Variants in NTN1 observed in about 807,000 individuals in gnomAD.
NTN1 encodes netrin 1, also known as netrin-1.
Under a neutral mutation model 54.2 loss-of-function variants are expected in NTN1, and 11 were observed. The ratio of observed to expected loss-of-function variants is 0.20; its 90% confidence interval spans 0.13 to 0.34. NTN1 has a LOEUF of 0.34. Among genes scored for constraint, NTN1 ranks in the 10% least tolerant of loss-of-function variants. The probability of loss-of-function intolerance (pLI) is 1.00; values close to 1 mark genes in which losing one functional copy is unlikely to be tolerated. For missense variants in NTN1, 740 were observed against 893.1 expected (o/e 0.83, Z 2.18); for synonymous variants, 371 against 382.0 (o/e 0.97, Z 0.33).
At chr17:9,067,266 CAAA>C (rs34250366) in intron 2 of NTN1, among the ~76,000 whole-genome samples, 3 of 141,546 alleles carry the variant, frequency 2.1e-5, no homozygotes, top group Admixed American at 7.0e-5. Context: ...GACCCTGTCT[CAAA>C]AAAAAAAAAA....
chr17:9,131,553 G>A (rs1035984974), intron 2 of NTN1, among the ~76,000 whole-genome samples: 1 of 149,482 alleles, frequency 6.7e-6, no homozygotes, highest in Non-Finnish European at 1.5e-5. Context: ...CGGTTTGTCT[G>A]TGTTTCGGCC....
chr17:9,108,495 G>A (rs1192350507), intron 2 of NTN1, among the ~76,000 whole-genome samples: 1 of 152,204 alleles, frequency 6.6e-6, no homozygotes, highest in African/African-American at 2.4e-5. Flanking sequence ...ATAATCCACA[G>A]ACACCCCATG....
rs1905343570 is a variant in NTN1 at position 9,221,238 on chromosome 17, C to T, written c.1482C>T (p.Asp494=). Residue 494 remains aspartate, a synonymous_variant, in exon 6 of 7, where the codon GAC becomes GAT. Coordinates refer to ENST00000173229, the MANE Select transcript of NTN1 (RefSeq NM_004822.3). This position sits in a 1 kb window ranked among gnomAD's most constrained non-coding sequence, Gnocchi z 4.5. ...ACATGAAAAAGTACTGCAAGAAGGA[C>T]TATGGTGAGTGAGAGTCCCCTTGTC... ...KINMKKYCKK[D]YAVQIHILKA... The T allele has an allele frequency of 6.2e-7, 1 of 1,609,856 alleles. No homozygotes were observed. Among genetic ancestry groups the T allele is most frequent in the Non-Finnish European group, 8.5e-7 (1 of 1,178,224 alleles).
chr17:9,154,619 C>A (rs1441937009), intron 2 of NTN1, among the ~76,000 whole-genome samples: 1 of 152,000 alleles, frequency 6.6e-6, no homozygotes, highest in African/African-American at 2.4e-5. Flanking sequence ...CTCCACCCAG[C>A]CATTTCAGGA....
intron 2 of NTN1, among the ~76,000 whole-genome samples, chr17:9,148,696 G>T (rs1276642698): frequency 6.6e-6 from 1 of 152,000 alleles, no homozygotes; most frequent in Non-Finnish European, 1.5e-5. Flanking sequence ...ATGGGACACT[G>T]GTTTCTGTTG....
At chr17:9,150,880 G>A (rs1054153657) in intron 2 of NTN1, among the ~76,000 whole-genome samples, 8 of 152,182 alleles carry the variant, frequency 5.3e-5, no homozygotes, top group Non-Finnish European at 1.2e-4. Flanking sequence ...CCGGGTGCCC[G>A]GCACAGCGGG....
chr17:9,207,517 A>T (rs562787949), intron 5 of NTN1, among the ~76,000 whole-genome samples: 1 of 152,316 alleles, frequency 6.6e-6, no homozygotes, highest in South Asian at 2.1e-4. Flanking sequence ...GAGGAATCGG[A>T]GGTTCAGAGA....
chr17:9,022,784 C>G lies in NTN1; in HGVS notation c.411C>G (p.Ser137=), dbSNP rs958403506. 9 of 1,610,728 alleles carry G rather than the reference C, an allele frequency of 5.6e-6. No individual in the cohort carries two copies. Among genetic ancestry groups the G allele is most frequent in the Non-Finnish European group, 7.6e-6 (9 of 1,179,146 alleles). ...CGCACAACGTCACGCTCACACTGTC[C>G]CTCGGCAAGAAGTTCGAAGTGACCT... The part of the protein sequence containing the change: ...QFPHNVTLTL[S]LGKKFEVTYV... The change falls in exon 2 of 7, where the codon TCC becomes TCG. Residue 137 remains serine, a synonymous_variant. Coordinates refer to ENST00000173229, the MANE Select transcript of NTN1 (RefSeq NM_004822.3).
chr17:9,187,659 A>C (rs2092437497), intron 5 of NTN1, among the ~76,000 whole-genome samples: 2 of 149,582 alleles, frequency 1.3e-5, no homozygotes, highest in South Asian at 2.1e-4. Flanking sequence ...CTCTCCAAAA[A>C]AAAAAAAAAA....
chr17:9,235,750 CTTTT>C (rs1163805143), intron 6 of NTN1, among the ~76,000 whole-genome samples: 8 of 50,868 alleles, frequency 1.6e-4, no homozygotes, highest in Admixed American at 1.4e-3. Context: ...TTTTTTTTTT[CTTTT>C]TTTTTTTTTT....
chr17:9,124,280 A>G (rs954316516), intron 2 of NTN1, among the ~76,000 whole-genome samples: 2 of 152,200 alleles, frequency 1.3e-5, no homozygotes, highest in African/African-American at 4.8e-5. Flanking sequence ...TGGGGAATTC[A>G]GGGTGGAAAT....
At chr17:9,035,382 A>C (rs189532361) in intron 2 of NTN1, among the ~76,000 whole-genome samples, 6 of 152,282 alleles carry the variant, frequency 3.9e-5, no homozygotes, top group Admixed American at 3.9e-4. Flanking sequence ...TGTGTGATAT[A>C]AATGTATCAC....
At chr17:9,209,083 A>T (rs1477867751) in intron 5 of NTN1, among the ~76,000 whole-genome samples, 2 of 152,234 alleles carry the variant, frequency 1.3e-5, no homozygotes, top group African/African-American at 4.8e-5. Context: ...CCTTCAGGAC[A>T]CAGCTGAGAC....
chr17:9,075,312 C>G (rs965141495), intron 2 of NTN1, among the ~76,000 whole-genome samples: 1 of 152,050 alleles, frequency 6.6e-6, no homozygotes, highest in Admixed American at 6.5e-5. Context: ...GAAACCCTGT[C>G]TCTAGTAAAA....
At chr17:9,225,262 A>AT (rs1017347515) in intron 6 of NTN1, among the ~76,000 whole-genome samples, 19 of 141,540 alleles carry the variant, frequency 1.3e-4, no homozygotes, top group African/African-American at 4.7e-4. Context: ...CTCAAAAAAA[A>AT]AAATAAATAA....
At chr17:9,233,323 C>A (rs568690884) in intron 6 of NTN1, among the ~76,000 whole-genome samples, 2 of 152,096 alleles carry the variant, frequency 1.3e-5, no homozygotes, top group Non-Finnish European at 2.9e-5. Context: ...GGGCCTTTCC[C>A]GCCCTGTGTC....
At chr17:9,048,931 C>T (rs1418854672) in intron 2 of NTN1, among the ~76,000 whole-genome samples, 1 of 152,212 alleles carries the variant, frequency 6.6e-6, no homozygotes, top group African/African-American at 2.4e-5. Flanking sequence ...GTTGGGATTA[C>T]AGGCATGAGC....
Position 9,162,883 on chromosome 17 carries a change from G to C in NTN1, c.1089G>C (p.Lys363Asn), listed in dbSNP as rs778868022. The C allele has an allele frequency of 3.7e-6, 6 of 1,614,132 alleles. No homozygotes were observed. The highest frequency in any genetic ancestry group is 5.1e-6 in the Non-Finnish European group (6 of 1,180,014). ...AGCTCTACAAGCTTTCGGGGCGCAAGAGCGGAGGTGTCTGCCTCAACTGTC... is the reference window on the plus strand; with the variant it reads ...AGCTCTACAAGCTTTCGGGGCGCAACAGCGGAGGTGTCTGCCTCAACTGTC... Reference protein sequence around the residue: ...NMELYKLSGRKSGGVCLNCRH... With the variant: ...NMELYKLSGRNSGGVCLNCRH... The change falls in exon 3 of 7, where the codon AAG becomes AAC. Residue 363 changes from lysine (K) to asparagine (N), a missense_variant. Coordinates refer to ENST00000173229, the MANE Select transcript of NTN1 (RefSeq NM_004822.3).
intron 2 of NTN1, among the ~76,000 whole-genome samples, chr17:9,161,366 C>A (rs2092356555): frequency 6.6e-6 from 1 of 152,160 alleles, no homozygotes; most frequent in Non-Finnish European, 1.5e-5. Flanking sequence ...TTTGGAATCA[C>A]TGGAGCATAA....
Sources: gnomAD v4.1 joint callset for allele counts (sites outside exome capture counted in the v4.1 genomes callset) on GRCh38, gnomAD v4.1.1 for gene constraint, Gnocchi (gnomAD v3.1) non-coding constraint, MANE v1.5 for transcripts, NCBI Gene and HGNC (gene_info 2026-07-23, HGNC 2026-07-21) for gene names.